The following DOCK9 variants were observed in gnomAD, a reference collection of about 807,000 sequenced individuals.
DOCK9 encodes dedicator of cytokinesis protein 9.
Under a neutral mutation model 263.3 loss-of-function variants are expected in DOCK9, and 89 were observed. The observed-to-expected ratio is 0.34, with a 90% confidence interval of 0.28 to 0.40. DOCK9 has a LOEUF of 0.40. Ranked by LOEUF, DOCK9 falls within the 10% of genes least tolerant of loss-of-function variation. The probability of loss-of-function intolerance (pLI) is 1.00; values close to 1 mark genes in which losing one functional copy is unlikely to be tolerated. For missense variants in DOCK9, 2,140 were observed against 2,603.4 expected (o/e 0.82, Z 3.87); for synonymous variants, 976 against 973.1 (o/e 1.00, Z -0.06).
At chr13:99,035,817 G>A (rs929619869) in intron 1 of DOCK9, among the ~76,000 whole-genome samples, 4 of 152,168 alleles carry the variant, frequency 2.6e-5, no homozygotes, top group East Asian at 1.9e-4. Flanking sequence ...ATACTTCTGC[G>A]AAGGTAATTT....
chr13:99,028,837 A>C (rs557847950), intron 1 of DOCK9, among the ~76,000 whole-genome samples: 3 of 152,174 alleles, frequency 2.0e-5, no homozygotes, highest in Non-Finnish European at 4.4e-5. Context: ...ACGAAAAGAA[A>C]GTAGTTTTTG....
intron 48 of DOCK9, 118 bp from the exon 49 acceptor site, chr13:98,805,327 A>C: frequency 4.6e-6 from 4 of 873,154 alleles, no homozygotes. Context: ...AGAGTACAAC[A>C]AACATCCACA....
intron 35 of DOCK9, among the ~76,000 whole-genome samples, chr13:98,850,643 T>A (rs2093539249): frequency 6.6e-6 from 1 of 152,228 alleles, no homozygotes; most frequent in Non-Finnish European, 1.5e-5. Context: ...ACTAGTCTCC[T>A]ACTGATAGGC....
At chr13:98,979,223 T>TAGCAGCAGC (rs1222854720), upstream of DOCK9, among the ~76,000 whole-genome samples, 22 of 122,826 alleles carry the variant, frequency 1.8e-4, no homozygotes, top group African/African-American at 5.0e-4. Context: ...GTAGTAGTAG[T>TAGCAGCAGC]AGTAGTAGCA....
At chr13:98,953,900 T>C (rs1300654114) in intron 2 of DOCK9, among the ~76,000 whole-genome samples, 1 of 152,230 alleles carries the variant, frequency 6.6e-6, no homozygotes, top group African/African-American at 2.4e-5. Context: ...ATTCCTTTTA[T>C]GCAGGACAGA....
Position 98,826,817 on chromosome 13 carries a change from A to G in DOCK9, c.5023+13T>C. ...ACTAATTAATTTCACAAAACATGAG[A>G]ATAATTCCTTACCTTTCCGTGTGAG... is the stretch of plus-strand genomic sequence containing the variant. On this transcript the variant is annotated intron_variant, in intron 44 of 52. Coordinates refer to ENST00000682017, the MANE Select transcript of DOCK9 (RefSeq NM_001366683.2). 6.3e-7 allele frequency: 1 copy of G among 1,598,980 alleles called. No individual in the cohort carries two copies. The highest frequency in any genetic ancestry group is 8.5e-7 in the Non-Finnish European group (1 of 1,171,320).
At chr13:98,850,210 C>T (rs1312088257) in intron 35 of DOCK9, 97 bp from the exon 36 acceptor site, 12 of 850,502 alleles carry the variant, frequency 1.4e-5, no homozygotes, top group South Asian at 1.3e-4. Context: ...GGAGTGTAGG[C>T]CTCTAAACCC....
intron 50 of DOCK9, among the ~76,000 whole-genome samples, chr13:98,800,008 A>G (rs2089917289): frequency 6.6e-6 from 1 of 152,152 alleles, no homozygotes; most frequent in Admixed American, 6.5e-5. Context: ...TGATGCTTCT[A>G]ATCAGGCACC....
At chr13:98,923,968 C>A (rs369260703) in intron 4 of DOCK9, among the ~76,000 whole-genome samples, 17 of 152,306 alleles carry the variant, frequency 1.1e-4, no homozygotes, top group African/African-American at 4.1e-4. Context: ...ACCACTGTTA[C>A]AATTCTCCCT....
chr13:98,972,196 G>A (rs2141368122), intron 1 of DOCK9, among the ~76,000 whole-genome samples: 1 of 152,284 alleles, frequency 6.6e-6, no homozygotes, highest in East Asian at 1.9e-4. Context: ...CTAGAGTTGT[G>A]AGGATTAATT....
At chr13:99,076,875 T>C (rs1342704917) in intron 1 of DOCK9, among the ~76,000 whole-genome samples, 3 of 151,958 alleles carry the variant, frequency 2.0e-5, no homozygotes, top group East Asian at 3.9e-4. Flanking sequence ...AATAAATAAA[T>C]TGTGATAAGT....
At chr13:99,047,539 G>C (rs2040493196) in intron 1 of DOCK9, among the ~76,000 whole-genome samples, 1 of 123,860 alleles carries the variant, frequency 8.1e-6, no homozygotes, top group South Asian at 2.6e-4. Context: ...TTTTTTTTGA[G>C]ACGGAGTCTC....
chr13:98,808,249 G>T (rs796423764), intron 47 of DOCK9, among the ~76,000 whole-genome samples: 5 of 152,264 alleles, frequency 3.3e-5, no homozygotes, highest in African/African-American at 1.2e-4. Flanking sequence ...TGGGGGTCTG[G>T]AGTAAGTTTA....
intron 2 of DOCK9, among the ~76,000 whole-genome samples, chr13:98,954,027 A>C (rs1595607568): frequency 6.6e-6 from 1 of 152,206 alleles, no homozygotes; most frequent in East Asian, 1.9e-4. Context: ...GTGGGAAAAA[A>C]CCTTCAAGGA....
chr13:99,072,413 G>A (rs1013860206), intron 1 of DOCK9, among the ~76,000 whole-genome samples: 4 of 152,070 alleles, frequency 2.6e-5, no homozygotes, highest in African/African-American at 9.7e-5. Context: ...GTGGCCAGGA[G>A]CATTGTATAA....
intron 2 of DOCK9, among the ~76,000 whole-genome samples, chr13:98,947,078 C>T (rs901151003): frequency 6.6e-6 from 1 of 152,178 alleles, no homozygotes; most frequent in Non-Finnish European, 1.5e-5. Context: ...TCTGCGTTTC[C>T]AGCCACTTCA....
At position 98,831,566 on chromosome 13, in the gene DOCK9, A is replaced by C. The variant is rs751095139; in HGVS notation, c.4453-36T>G. ...TGAGAGGAAGCAGCAGATAAACCAC[A>C]GACAGGTCAGTGCTCGGTAATGTAC... On this transcript the variant is annotated intron_variant, in intron 40 of 52. Transcript: ENST00000682017. 1.2e-5 allele frequency: 19 copies of C among 1,589,546 alleles called. No homozygotes were observed. In the South Asian group the frequency reaches 2.2e-4, roughly 18 times the overall value.
At chr13:98,997,685 G>A (rs1419496699) in intron 1 of DOCK9, among the ~76,000 whole-genome samples, 2 of 152,172 alleles carry the variant, frequency 1.3e-5, no homozygotes, top group African/African-American at 4.8e-5. Flanking sequence ...TTCTTTGTGG[G>A]AATTATTTTC....
chr13:98,978,722 A>AGAG (rs1190941866), upstream of DOCK9, among the ~76,000 whole-genome samples: 1 of 152,212 alleles, frequency 6.6e-6, no homozygotes, highest in Non-Finnish European at 1.5e-5. Context: ...AGTATAAGGT[A>AGAG]GAGTATCTCT....
Sources: gnomAD v4.1 joint callset for allele counts (sites outside exome capture counted in the v4.1 genomes callset) on GRCh38, gnomAD v4.1.1 for gene constraint, MANE v1.5 for transcripts, NCBI Gene and HGNC (gene_info 2026-07-23, HGNC 2026-07-21) for gene names.